The following CACNA2D3 variants were observed in gnomAD, a reference collection of about 807,000 sequenced individuals.
CACNA2D3 encodes calcium voltage-gated channel auxiliary subunit alpha2delta 3, also known as voltage-dependent calcium channel subunit alpha-2/delta-3.
Under a neutral mutation model 160.6 loss-of-function variants are expected in CACNA2D3, and 60 were observed. The ratio of observed to expected loss-of-function variants is 0.37; its 90% CI spans 0.30 to 0.46. The LOEUF is 0.46. CACNA2D3 is among the 20% of genes least tolerant of loss of function. The pLI, the probability that CACNA2D3 is intolerant of heterozygous loss-of-function variation, is 1.00. For missense variants in CACNA2D3, 1,205 were observed against 1,365.0 expected (o/e 0.88, Z 1.85); for synonymous variants, 558 against 492.9 (o/e 1.13, Z -1.75).
At chr3:54,912,955 C>T (rs9839743) in intron 27 of CACNA2D3, among the ~76,000 whole-genome samples, 3,957 of 152,140 alleles carry the variant, frequency 0.026, 188 homozygotes, top group African/African-American at 0.091. Flanking sequence ...AGCATGATTC[C>T]TCTCTGATTT....
At chr3:54,846,811 C>T (rs1281937056) in intron 17 of CACNA2D3, among the ~76,000 whole-genome samples, 1 of 152,198 alleles carries the variant, frequency 6.6e-6, no homozygotes, top group East Asian at 1.9e-4. Flanking sequence ...CATGGACACT[C>T]ATACTCCAGC....
At chr3:54,861,239 C>G (rs562084447) in intron 17 of CACNA2D3, among the ~76,000 whole-genome samples, 1 of 152,156 alleles carries the variant, frequency 6.6e-6, no homozygotes, top group East Asian at 1.9e-4. Flanking sequence ...CAGGTCAGGA[C>G]AGACCTCCAA....
intron 11 of CACNA2D3, among the ~76,000 whole-genome samples, chr3:54,688,242 G>A (rs1484319972): frequency 1.3e-5 from 2 of 152,188 alleles, no homozygotes; most frequent in African/African-American, 4.8e-5. Context: ...CATTTTAAAT[G>A]TCCTGTGTCT....
chr3:54,271,103 A>T (rs769972284), intron 2 of CACNA2D3, among the ~76,000 whole-genome samples: 2 of 152,224 alleles, frequency 1.3e-5, no homozygotes, highest in African/African-American at 2.4e-5. Flanking sequence ...GTGAACTGGA[A>T]TTGAGAGATG....
intron 4 of CACNA2D3, among the ~76,000 whole-genome samples, chr3:54,434,321 A>G (rs1232667486): frequency 6.6e-6 from 1 of 152,216 alleles, no homozygotes; most frequent in Non-Finnish European, 1.5e-5. Context: ...TGGGCTATCA[A>G]CATTCCTTCT....
chr3:54,420,488 A>T (rs1165357000), intron 4 of CACNA2D3, among the ~76,000 whole-genome samples: 1 of 152,140 alleles, frequency 6.6e-6, no homozygotes, highest in South Asian at 2.1e-4. Flanking sequence ...ATATGCCCCA[A>T]CTTCATCTGC....
intron 4 of CACNA2D3, among the ~76,000 whole-genome samples, chr3:54,491,142 A>G (rs538837044): frequency 4.7e-4 from 71 of 152,240 alleles, no homozygotes; most frequent in African/African-American, 1.6e-3. Context: ...GCTGCTGACC[A>G]TGTGTTCTAG....
At chr3:54,922,736 C>G (rs1175023364) in intron 27 of CACNA2D3, among the ~76,000 whole-genome samples, 1 of 152,072 alleles carries the variant, frequency 6.6e-6, no homozygotes, top group Non-Finnish European at 1.5e-5. Context: ...TCAACGACTC[C>G]CCATGGATAT....
chr3:54,791,645 T>C (rs1382103365), intron 13 of CACNA2D3, among the ~76,000 whole-genome samples: 2 of 152,178 alleles, frequency 1.3e-5, no homozygotes, highest in Non-Finnish European at 2.9e-5. Context: ...TTATTGCCAG[T>C]TTGGATTCTC....
chr3:54,984,026 A>G (rs1055882262), intron 29 of CACNA2D3, among the ~76,000 whole-genome samples: 2 of 152,204 alleles, frequency 1.3e-5, no homozygotes, highest in Admixed American at 6.5e-5. Flanking sequence ...CCAGCTCCCA[A>G]TTAAAAACAC....
chr3:54,440,009 A>G (rs976142297), intron 4 of CACNA2D3, among the ~76,000 whole-genome samples: 4 of 152,122 alleles, frequency 2.6e-5, no homozygotes, highest in African/African-American at 9.7e-5. Context: ...TTGCCTGGCC[A>G]GCCTAGCATT....
intron 10 of CACNA2D3, among the ~76,000 whole-genome samples, chr3:54,636,710 T>A (rs547798319): frequency 1.3e-5 from 2 of 151,946 alleles, no homozygotes; most frequent in South Asian, 2.1e-4. Context: ...GAGTTGTTGT[T>A]TTGTAAGGGA....
chr3:55,008,686 G>A (rs925615145), intron 33 of CACNA2D3, among the ~76,000 whole-genome samples: 2 of 152,050 alleles, frequency 1.3e-5, no homozygotes, highest in African/African-American at 4.8e-5. Flanking sequence ...AGATAATAGT[G>A]GGATTTTGAT....
chr3:54,394,191 C>A (rs912538699), intron 4 of CACNA2D3, among the ~76,000 whole-genome samples: 5 of 152,072 alleles, frequency 3.3e-5, no homozygotes, highest in Admixed American at 2.6e-4. Context: ...TGTGTCCTGT[C>A]CCCTGGGGTC....
intron 2 of CACNA2D3, among the ~76,000 whole-genome samples, chr3:54,228,954 T>C (rs1701721376): frequency 6.6e-6 from 1 of 152,208 alleles, no homozygotes; most frequent in African/African-American, 2.4e-5. Context: ...CATTTGTGTG[T>C]CTCAGATACC....
chr3:54,418,450 G>A (rs1039395256), intron 4 of CACNA2D3, among the ~76,000 whole-genome samples: 4 of 152,124 alleles, frequency 2.6e-5, no homozygotes, highest in Admixed American at 6.5e-5. Flanking sequence ...GCTTAAAGGC[G>A]ATATTTTTTG....
At chr3:54,928,669 CTGCT>C (rs750974664) in intron 27 of CACNA2D3, among the ~76,000 whole-genome samples, 15 of 152,098 alleles carry the variant, frequency 9.9e-5, no homozygotes, top group African/African-American at 3.6e-4. Context: ...AACTTCTCAG[CTGCT>C]TGCTTGCTTG....
At chr3:54,419,578 T>C (rs1261959258) in intron 4 of CACNA2D3, among the ~76,000 whole-genome samples, 2 of 152,214 alleles carry the variant, frequency 1.3e-5, no homozygotes, top group Non-Finnish European at 2.9e-5. Flanking sequence ...TTTATTATAT[T>C]CTATACTTCT....
At chr3:54,933,051 C>CCCTTCCTTCCTTCCTT (rs60554563) in intron 27 of CACNA2D3, among the ~76,000 whole-genome samples, 11 of 139,544 alleles carry the variant, frequency 7.9e-5, no homozygotes, top group East Asian at 2.1e-4. Context: ...ATCCATCCCT[C>CCCTTCCTTCCTTCCTT]CCTTCCTTCC....
Sources: gnomAD v4.1 joint callset for allele counts (sites outside exome capture counted in the v4.1 genomes callset) on GRCh38, gnomAD v4.1.1 for gene constraint, MANE v1.5 for transcripts, NCBI Gene and HGNC (gene_info 2026-07-23, HGNC 2026-07-21) for gene names.